The following SPAST variants were observed in gnomAD, a reference collection of about 807,000 sequenced individuals.
The protein encoded by SPAST is spastin, also known as spastic paraplegia 4 (autosomal dominant; spastin).
SPAST carries 30 observed loss-of-function variants against 76.6 expected under a neutral mutation model. The observed-to-expected ratio is 0.39, with a 90% CI of 0.29 to 0.53. SPAST has a LOEUF of 0.53. Among genes scored for constraint, SPAST ranks in the 20% least tolerant of loss-of-function variants. The pLI is 0.68. For missense variants in SPAST, 717 were observed against 770.5 expected (o/e 0.93, Z 0.82); for synonymous variants, 305 against 281.0 (o/e 1.09, Z -0.86).
chr2:32,137,994 C>CT (rs948015041), intron 12 of SPAST, among the ~76,000 whole-genome samples: 3 of 152,170 alleles, frequency 2.0e-5, no homozygotes, highest in Admixed American at 6.5e-5. Context: ...TTATTTCATT[C>CT]TTTTTTATGG....
chr2:32,141,978 T>C (rs2148758327), intron 13 of SPAST, 32 bp downstream of exon 13: 1 of 1,558,444 alleles, frequency 6.4e-7, no homozygotes, highest in Non-Finnish European at 8.8e-7. Flanking sequence ...TTTTTTGTTT[T>C]AGAGCAGAAA....
Position 32,110,737 on chromosome 2 carries a change from TGTATAGTATATATA to T in SPAST, c.683-3881_683-3868del, listed in dbSNP as rs1439976868. On this transcript the variant is annotated intron_variant, in intron 4 of 16. Transcript: ENST00000315285. ...ACTATATAGTATACATATAGTACAC[TGTATAGTATATATA>T]GTATAGTATATATAGTATACATAGT... 5.3e-5 allele frequency among the ~76,000 whole-genome samples: 7 copies of T among 131,962 alleles called. No individual in the cohort carries two copies. In the East Asian group the frequency reaches 6.5e-4, roughly 12 times the overall value. 86.6% of individuals were successfully genotyped at this position (131,962 alleles called of 152,430 possible).
At chr2:32,099,951 G>A (rs1286901844) in intron 4 of SPAST, among the ~76,000 whole-genome samples, 1 of 120,614 alleles carries the variant, frequency 8.3e-6, no homozygotes, top group Non-Finnish European at 1.8e-5. Context: ...CTTGGCTGTT[G>A]TGAATAGTGC....
chr2:32,091,252 T>C (rs1677703439), intron 3 of SPAST, among the ~76,000 whole-genome samples: 1 of 6,108 alleles, frequency 1.6e-4, no homozygotes, highest in African/African-American at 1.9e-3. Context: ...AAGCTATTAT[T>C]ATTATTATTA....
At chr2:32,129,653 T>G (rs1679306320) in intron 9 of SPAST, 1 of 152,274 alleles carries the variant, frequency 6.6e-6, no homozygotes. Context: ...TTTCTCTTGG[T>G]TGCCCCCTCC....
intron 12 of SPAST, among the ~76,000 whole-genome samples, chr2:32,141,630 G>T (rs1341136694): frequency 1.3e-5 from 2 of 152,152 alleles, no homozygotes; most frequent in African/African-American, 4.8e-5. Context: ...CAAGAAGACA[G>T]ATCTACTTAT....
intron 12 of SPAST, 40 bp from the exon 13 acceptor site, chr2:32,141,864 C>T (rs1210279076): frequency 6.4e-7 from 1 of 1,550,934 alleles, no homozygotes; most frequent in Non-Finnish European, 8.9e-7. Context: ...GCTTTAAATT[C>T]AAAATTATAT....
intron 7 of SPAST, among the ~76,000 whole-genome samples, chr2:32,122,328 CTGTTT>C (rs537313458): frequency 4.5e-4 from 68 of 151,998 alleles, no homozygotes; most frequent in Non-Finnish European, 8.1e-4. Flanking sequence ...GTTTTGTTTT[CTGTTT>C]TGTTTTGAGA....
At chr2:32,150,997 T>C (rs1017278238) in intron 16 of SPAST, among the ~76,000 whole-genome samples, 1 of 147,692 alleles carries the variant, frequency 6.8e-6, no homozygotes, top group Non-Finnish European at 1.5e-5. Context: ...CAGGCTGGAG[T>C]GCAATGGTGC....
chr2:32,083,712 CTA>C (rs1398644661), intron 1 of SPAST, among the ~76,000 whole-genome samples: 28 of 72,346 alleles, frequency 3.9e-4, no homozygotes, highest in African/African-American at 1.2e-3. Flanking sequence ...TATTTTTATA[CTA>C]TATATATTTA....
At chr2:32,135,016 C>A (rs564313711) in intron 9 of SPAST, among the ~76,000 whole-genome samples, 1 of 151,844 alleles carries the variant, frequency 6.6e-6, no homozygotes, top group South Asian at 2.1e-4. Context: ...CTTTTACATC[C>A]TGAACTGACC....
intron 1 of SPAST, chr2:32,077,887 C>CT (rs1239347127): frequency 6.6e-6 from 1 of 152,170 alleles, no homozygotes; most frequent in Non-Finnish European, 1.5e-5. Context: ...AATCCTAGCA[C>CT]TTTTGGAAGT....
chr2:32,110,531 GTATA>G (rs1299729397), intron 4 of SPAST, among the ~76,000 whole-genome samples: 2 of 62,676 alleles, frequency 3.2e-5, no homozygotes, highest in Non-Finnish European at 6.4e-5. Flanking sequence ...TATATAGTGT[GTATA>G]TATAGTATAT....
At position 32,113,479 on chromosome 2, in the gene SPAST, CT is replaced by C. The variant is rs1245591334; in HGVS notation, c.683-1151del. Among the ~76,000 whole-genome samples, 3 of 150,414 alleles carry C rather than the reference CT, an allele frequency of 2.0e-5. No homozygotes were observed. The East Asian group carries it at 5.9e-4, about 29-fold the overall frequency. On this transcript the variant is annotated intron_variant, in intron 4 of 16. Coordinates refer to ENST00000315285, the MANE Select transcript of SPAST (RefSeq NM_014946.4). ...TTGGAATCAAAGTAGTCGAGTGCTACTTTTTTTTCCTCTGTACATCCTATCC... is the reference window on the plus strand; with the variant it reads ...TTGGAATCAAAGTAGTCGAGTGCTACTTTTTTTCCTCTGTACATCCTATCC...
At chr2:32,149,725 A>G (rs756867788) in intron 16 of SPAST, among the ~76,000 whole-genome samples, 2 of 152,208 alleles carry the variant, frequency 1.3e-5, no homozygotes, top group Non-Finnish European at 2.9e-5. Flanking sequence ...TAGGTGTTAT[A>G]AGTAATCTAG....
intron 15 of SPAST, 132 bp from the exon 16 acceptor site, chr2:32,147,084 ATG>A (rs1679910775): frequency 1.5e-6 from 1 of 648,956 alleles, no homozygotes; most frequent in African/African-American, 1.8e-5. Context: ...CAAAGTTAAC[ATG>A]TGTCTCTTTT....
intron 7 of SPAST, 131 bp from the exon 8 acceptor site, chr2:32,126,817 G>T: frequency 1.5e-6 from 1 of 650,140 alleles, no homozygotes; most frequent in East Asian, 2.8e-5. Context: ...TTATGATTAT[G>T]TGTTTCCTTT....
intron 9 of SPAST, 131 bp from the exon 10 acceptor site, chr2:32,136,432 C>A: frequency 1.4e-6 from 1 of 736,858 alleles, no homozygotes; most frequent in Non-Finnish European, 2.4e-6. Context: ...TCTCCCCTTT[C>A]TCAAACCAAA....
intron 16 of SPAST, among the ~76,000 whole-genome samples, chr2:32,148,300 A>C (rs1679960963): frequency 6.6e-6 from 1 of 152,136 alleles, no homozygotes; most frequent in Non-Finnish European, 1.5e-5. Flanking sequence ...AAATAGTCAA[A>C]ATTTTTTTTG....
Sources: gnomAD v4.1 joint callset for allele counts (sites outside exome capture counted in the v4.1 genomes callset) on GRCh38, gnomAD v4.1.1 for gene constraint, MANE v1.5 for transcripts, NCBI Gene and HGNC (gene_info 2026-07-23, HGNC 2026-07-21) for gene names.